Variants in TUBGCP2 observed in about 807,000 individuals in gnomAD.
The protein encoded by TUBGCP2 is gamma-tubulin complex component 2.
TUBGCP2 carries 55 observed loss-of-function variants against 92.2 expected under a neutral mutation model. The ratio of observed to expected loss-of-function variants is 0.60; its 90% CI spans 0.48 to 0.75. TUBGCP2 has a LOEUF of 0.75. Ranked by LOEUF, TUBGCP2 falls within the 30% of genes least tolerant of loss-of-function variation. The pLI is 0.00. For synonymous variants in TUBGCP2, 533 were observed against 505.2 expected, an observed-to-expected ratio of 1.06 and a Z score of -0.74; for missense variants, 1,093 against 1,188.9, an observed-to-expected ratio of 0.92 and a Z score of 1.19.
upstream of TUBGCP2, chr10:133,309,804 G>T: frequency 6.2e-7 from 1 of 1,613,406 alleles, no homozygotes; most frequent in Non-Finnish European, 8.5e-7. Flanking sequence ...CCAGGTGGCC[G>T]GCTGCTGCCA....
chr10:133,311,622 G>T, upstream of TUBGCP2: 1 of 1,101,220 alleles, frequency 9.1e-7, no homozygotes. Context: ...CTACTTACAG[G>T]GAAATCCAGT....
At position 133,293,076 on chromosome 10, in the gene TUBGCP2, C is replaced by A. The variant is rs1847401405; in HGVS notation, c.987G>T (p.Gln329His). The change falls in exon 7 of 18, where the codon CAG (glutamine) becomes CAT (histidine). Residue 329 changes from glutamine (Q) to histidine (H), a missense_variant. By Grantham distance (24) the Gln-to-His change is conservative (BLOSUM62 0). Coordinates refer to ENST00000252936, the MANE Select transcript of TUBGCP2 (RefSeq NM_006659.4). The part of the protein sequence containing the change: ...LSLQKLWFYI[Q>H]PAMRTMDILA... Reference sequence around the variant, plus strand: ...GGATGTCCATGGTGCGCATGGCTGGCTGGATGTAGAACCAGAGCTTCTGCA... The same window carrying A: ...GGATGTCCATGGTGCGCATGGCTGGATGGATGTAGAACCAGAGCTTCTGCA... 3 of 1,613,534 alleles carry A rather than the reference C, an allele frequency of 1.9e-6. No individual in the cohort carries two copies. The South Asian group carries it at 3.3e-5, about 18-fold the overall frequency.
upstream of TUBGCP2, chr10:133,310,155 C>G (rs759362977): frequency 6.2e-6 from 10 of 1,613,592 alleles, no homozygotes; most frequent in Non-Finnish European, 8.5e-6. Flanking sequence ...GACACGGTCT[C>G]CATTTCAGTA....
intron 5 of TUBGCP2, among the ~76,000 whole-genome samples, chr10:133,296,751 C>T (rs1169607570): frequency 2.0e-5 from 3 of 152,234 alleles, no homozygotes; most frequent in Non-Finnish European, 4.4e-5. Flanking sequence ...GCTGGGATTA[C>T]AGGTGTGAGC....
chr10:133,310,956 C>T (rs570068850), upstream of TUBGCP2, among the ~76,000 whole-genome samples: 17 of 152,206 alleles, frequency 1.1e-4, no homozygotes, highest in African/African-American at 1.7e-4. Flanking sequence ...CACGCATCGC[C>T]GCACTCGGCA....
rs1427882480 is a variant in TUBGCP2, at chr10:133,291,945, CCCTCCGTGT to C, written c.1214+545_1214+553del. Among the ~76,000 whole-genome samples the C allele has an allele frequency of 1.7e-4, 6 of 34,646 alleles. 2 individuals are homozygous for C. The highest frequency in any genetic ancestry group is 3.4e-4 in the Non-Finnish European group (6 of 17,688). The allele number at this position is 34,646 out of a possible 152,430, so 22.7% of individuals were successfully genotyped here. On this transcript the variant is annotated intron_variant, in intron 8 of 17. Transcript: ENST00000252936. ...CCGTGTCCCCCATGTCCCTCCGTGT[CCCTCCGTGT>C]CCCCGTGTCCCGGGGAGCCCTACCT...
Position 133,282,175 on chromosome 10 carries a change from C to T in TUBGCP2, c.2409+48G>A. 4.3e-6 allele frequency: 7 copies of T among 1,609,338 alleles called. No homozygotes were observed. In the South Asian group the frequency reaches 7.8e-5, roughly 18 times the overall value. On this transcript the variant is annotated intron_variant, in intron 16 of 17. Coordinates refer to ENST00000252936, the MANE Select transcript of TUBGCP2 (RefSeq NM_006659.4). The stretch of plus-strand genomic sequence containing the variant: ...GCGTCAGGATGCCCAGGCTGCCGCC[C>T]AGCCGGGAGGAAGCGTCTCTCTCTG...
intron 2 of TUBGCP2, 111 bp from the exon 3 acceptor site, chr10:133,300,224 T>A: frequency 8.0e-7 from 1 of 1,254,324 alleles, no homozygotes. Context: ...ATTGGGTAGG[T>A]TAAATAATTA....
intron 1 of TUBGCP2, among the ~76,000 whole-genome samples, chr10:133,305,869 G>A (rs940692185): frequency 2.6e-5 from 4 of 152,224 alleles, no homozygotes; most frequent in Admixed American, 6.5e-5. Context: ...CAGGGCACGC[G>A]CCATGGAGCC....
At chr10:133,307,426 C>A (rs909237014) in intron 1 of TUBGCP2, among the ~76,000 whole-genome samples, 7 of 152,192 alleles carry the variant, frequency 4.6e-5, no homozygotes, top group Non-Finnish European at 1.0e-4. Context: ...GTTGAGAGCT[C>A]AAAGCTAACT....
chr10:133,305,589 G>T (rs927396034), intron 1 of TUBGCP2, among the ~76,000 whole-genome samples: 17 of 152,016 alleles, frequency 1.1e-4, no homozygotes, highest in African/African-American at 4.1e-4. Flanking sequence ...CTGTGGGGCT[G>T]GTCCCTACAA....
chr10:133,290,080 C>T (rs1847244402), intron 8 of TUBGCP2, 111 bp from the exon 9 acceptor site: 8 of 1,430,518 alleles, frequency 5.6e-6, no homozygotes, highest in East Asian at 4.6e-5. Context: ...CAGCACACTT[C>T]CAAGTAACGT....
intron 11 of TUBGCP2, among the ~76,000 whole-genome samples, chr10:133,287,400 A>AC (rs1331608450): frequency 6.6e-6 from 1 of 152,054 alleles, no homozygotes; most frequent in African/African-American, 2.4e-5. Flanking sequence ...GGCAACACAG[A>AC]CCCCCGTCTC....
At chr10:133,310,015 A>AT (rs756090559), upstream of TUBGCP2, 6 of 1,611,238 alleles carry the variant, frequency 3.7e-6, no homozygotes, top group Admixed American at 1.0e-4. Flanking sequence ...GCCACCCCCC[A>AT]TTGGTGATGG....
chr10:133,290,503 GA>G (rs1176566825), intron 8 of TUBGCP2: 2,587 of 117,302 alleles, frequency 0.022, 48 homozygotes, highest in African/African-American at 0.057. Context: ...AAAAAAAAAA[GA>G]AAAAAAAAAA....
At chr10:133,309,643 C>G, upstream of TUBGCP2, 1 of 1,287,974 alleles carries the variant, frequency 7.8e-7, no homozygotes, top group East Asian at 2.4e-5. Context: ...AAACTTAATT[C>G]ATAAAAAGAG....
At chr10:133,287,998 T>G in intron 11 of TUBGCP2, 131 bp downstream of exon 11, 1 of 1,249,576 alleles carries the variant, frequency 8.0e-7, no homozygotes, top group Non-Finnish European at 1.1e-6. Flanking sequence ...GGTAGCCAAG[T>G]GAAGGAAACA....
intron 5 of TUBGCP2, among the ~76,000 whole-genome samples, chr10:133,297,723 C>T (rs577065790): frequency 2.6e-5 from 4 of 152,364 alleles, no homozygotes; most frequent in Admixed American, 2.6e-4. Context: ...CCCTCAAGGA[C>T]CCGGGTGAGC....
chr10:133,302,534 G>T (rs1487330717), intron 2 of TUBGCP2: 2 of 449,328 alleles, frequency 4.5e-6, no homozygotes, highest in African/African-American at 2.1e-5. Context: ...ACCCAGGGAC[G>T]ACGCTCATCC....
Sources: gnomAD v4.1 joint callset for allele counts (sites outside exome capture counted in the v4.1 genomes callset) on GRCh38, gnomAD v4.1.1 for gene constraint, MANE v1.5 for transcripts, NCBI Gene and HGNC (gene_info 2026-07-23, HGNC 2026-07-21) for gene names.